The following VPS13A variants were observed in gnomAD, a reference collection of about 807,000 sequenced individuals.
VPS13A encodes intermembrane lipid transfer protein VPS13A.
In VPS13A, 264 loss-of-function variants were observed where a neutral mutation model predicts 390.9. That is an observed-to-expected ratio of 0.68 (90% CI 0.61 to 0.75). The LOEUF is 0.75. Among genes scored for constraint, VPS13A ranks in the 30% least tolerant of loss-of-function variants. The pLI is 0.00. For synonymous variants in VPS13A, 1,231 were observed against 1,227.1 expected (o/e 1.00, Z -0.07); for missense variants, 3,409 against 3,733.9 (o/e 0.91, Z 2.27).
In VPS13A at chr9:77,383,082, A is replaced by G. The variant is rs1001579922; in HGVS notation, c.9189+995A>G. 7 of 941,976 alleles carry G rather than the reference A, an allele frequency of 7.4e-6. No homozygotes were observed. In the South Asian group the frequency reaches 1.5e-4, roughly 20 times the overall value. 58.4% of individuals were successfully genotyped at this position (941,976 alleles called of 1,614,324 possible). On this transcript the variant is annotated intron_variant, in intron 68 of 71. Transcript: ENST00000360280. ...ACTGTTGGAATATGAAGCTTCCTTT[A>G]TGGCTTTAATATTTTAAATATTGTG...
At chr9:77,409,596 G>A (rs1472150999) in intron 71 of VPS13A, among the ~76,000 whole-genome samples, 1 of 151,966 alleles carries the variant, frequency 6.6e-6, no homozygotes, top group Non-Finnish European at 1.5e-5. Flanking sequence ...ATGCAGAGAA[G>A]TCCTTAAAGG....
rs149570408 is a variant in VPS13A at position 77,260,198 on chromosome 9, G to A, written c.2401G>A (p.Val801Ile). ...TCCAAAACCTGAACCAGTAACTGAA[G>A]TATCTGCCCCTGTCAAATCATTCCA... The part of the protein sequence containing the change: ...SIPKPEPVTE[V>I]SAPVKSFQIQ... Residue 801 changes from valine (V) to isoleucine (I), a missense_variant, in exon 23 of 72, where the codon GTA becomes ATA. Val to Ile is a conservative substitution (Grantham distance 29). Transcript: ENST00000360280. 2 of 1,613,420 alleles carry A rather than the reference G, an allele frequency of 1.2e-6. No individual in the cohort carries two copies. Among genetic ancestry groups the A allele is most frequent in the Non-Finnish European group, 1.7e-6 (2 of 1,179,686 alleles).
intron 58 of VPS13A, 99 bp from the exon 59 acceptor site, chr9:77,360,437 A>C (rs149906560): frequency 2.2e-6 from 2 of 894,558 alleles, no homozygotes; most frequent in Admixed American, 1.9e-5. Context: ...CTAAGTTTCA[A>C]AGTTCTAATA....
Position 77,318,598 on chromosome 9 carries a change from A to G in VPS13A, c.5313+7A>G, listed in dbSNP as rs751128331. On this transcript the variant is annotated splice_region_variant and intron_variant, in intron 41 of 71. Transcript: ENST00000360280. ...CTGTCAGCTTGAGCTAGAAGTAAGC[A>G]TATTTTTCCAGTTTTATAACAGATA... 98 of 1,600,912 alleles carry G rather than the reference A, an allele frequency of 6.1e-5. No individual in the cohort carries two copies. In the South Asian group the frequency reaches 8.2e-4, roughly 13 times the overall value.
chr9:77,200,896 G>C (rs1825294246), intron 2 of VPS13A, among the ~76,000 whole-genome samples: 1 of 152,126 alleles, frequency 6.6e-6, no homozygotes, highest in South Asian at 2.1e-4. Context: ...TAAGGGTTCA[G>C]TTTCATGTTT....
At chr9:77,370,753 A>G in intron 65 of VPS13A, 137 bp from the exon 66 acceptor site, 2 of 1,399,940 alleles carry the variant, frequency 1.4e-6, no homozygotes, top group Non-Finnish European at 2.0e-6. Flanking sequence ...ATTCTGTTTA[A>G]ATAAAATACT....
Position 77,307,992 on chromosome 9 carries a change from T to C in VPS13A, c.4008T>C (p.His1336=), listed in dbSNP as rs1355938642. The stretch of plus-strand genomic sequence containing the variant: ...TAACAACTATTTTTAAAACATTGCA[T>C]GGCAATATATGGTATGAAAAAGATG... ...EDITTIFKTL[H]GNIWYEKDGS... The change falls in exon 35 of 72, where the codon CAT becomes CAC. Residue 1336 remains histidine (H), a synonymous_variant. Coordinates refer to ENST00000360280, the MANE Select transcript of VPS13A (RefSeq NM_033305.3). The C allele has an allele frequency of 1.9e-6, 3 of 1,603,254 alleles. No homozygotes were observed. The highest frequency in any genetic ancestry group is 4.5e-5 in the East Asian group (2 of 44,740).
chr9:77,205,146 A>C (rs997971780), intron 3 of VPS13A, among the ~76,000 whole-genome samples, 167 bp from the exon 4 acceptor site: 12 of 152,210 alleles, frequency 7.9e-5, no homozygotes, highest in Non-Finnish European at 1.5e-4. Flanking sequence ...TACAACAAAC[A>C]CTTGTTGTTT....
intron 68 of VPS13A, among the ~76,000 whole-genome samples, chr9:77,393,589 G>A (rs991403705): frequency 2.0e-5 from 3 of 152,202 alleles, no homozygotes; most frequent in African/African-American, 7.2e-5. Flanking sequence ...GCTGTAGAAT[G>A]GATGGTTGTG....
At chr9:77,190,393 A>G (rs932332793) in intron 1 of VPS13A, among the ~76,000 whole-genome samples, 1 of 152,204 alleles carries the variant, frequency 6.6e-6, no homozygotes, top group African/African-American at 2.4e-5. Context: ...AATCACACTT[A>G]TTGATTTGTG....
chr9:77,280,139 T>G lies in VPS13A; in HGVS notation c.2825-20T>G, dbSNP rs747035319. ...GTTACCTTTCCGATGAAAAGATAAT[T>G]TTTAAAAAATTATTTTTAGATGAAA... On this transcript the variant is annotated intron_variant, in intron 26 of 71. Transcript: ENST00000360280. The G allele has an allele frequency of 6.4e-7, 1 of 1,564,772 alleles. No homozygotes were observed. Among genetic ancestry groups the G allele is most frequent in the Non-Finnish European group, 8.8e-7 (1 of 1,141,994 alleles).
intron 67 of VPS13A, among the ~76,000 whole-genome samples, chr9:77,373,117 C>A (rs1475167095): frequency 6.6e-6 from 1 of 151,988 alleles, no homozygotes; most frequent in East Asian, 1.9e-4. Context: ...ACTTTCTTCA[C>A]AGAATTGGAA....
At position 77,252,229 on chromosome 9, in the gene VPS13A, A is replaced by T. The variant is rs185390174; in HGVS notation, c.2171-6A>T. On this transcript the variant is annotated splice_region_variant and splice_polypyrimidine_tract_variant and intron_variant, in intron 21 of 71. Coordinates refer to ENST00000360280, the MANE Select transcript of VPS13A (RefSeq NM_033305.3). ...ACGTTAAATATGAACTATTTTCTGT[A>T]CTTAGGTGATAATTGGAGAGAAGCA... 1 of 1,595,926 alleles carries T rather than the reference A, an allele frequency of 6.3e-7. No individual in the cohort carries two copies. Among genetic ancestry groups the T allele is most frequent in the South Asian group, 1.1e-5 (1 of 90,706 alleles).
chr9:77,332,058 T>G lies in VPS13A; in HGVS notation c.6040T>G (p.Leu2014Val), dbSNP rs749897526. The G allele has an allele frequency of 1.9e-6, 3 of 1,612,452 alleles. No individual in the cohort carries two copies. In the South Asian group the frequency reaches 3.3e-5, roughly 18 times the overall value. The change falls in exon 46 of 72, where the codon TTA becomes GTA. Residue 2014 changes from leucine to valine, a missense_variant. Coordinates refer to ENST00000360280, the MANE Select transcript of VPS13A (RefSeq NM_033305.3). Reference protein sequence around the residue: ...VPLSVYEGDTLLGTASPENEF... With the variant: ...VPLSVYEGDTVLGTASPENEF... ...ACTGTCTGTTTACGAAGGGGATACC[T>G]TATTGGGAACTGCCTCACCTGAAAA...
chr9:77,315,582 T>G, intron 38 of VPS13A, 112 bp downstream of exon 38: 1 of 1,124,564 alleles, frequency 8.9e-7, no homozygotes, highest in South Asian at 1.4e-5. Flanking sequence ...AAATTAAAAT[T>G]TTATTTTTCA....
intron 68 of VPS13A, among the ~76,000 whole-genome samples, chr9:77,387,392 G>C (rs1231231623): frequency 1.3e-5 from 2 of 152,160 alleles, no homozygotes; most frequent in East Asian, 3.9e-4. Flanking sequence ...CTTTCCATAT[G>C]CTTTAACTTC....
chr9:77,397,086 T>A (rs1294767824), intron 68 of VPS13A, among the ~76,000 whole-genome samples: 2 of 152,180 alleles, frequency 1.3e-5, no homozygotes, highest in Non-Finnish European at 2.9e-5. Flanking sequence ...CCTCCTAGGT[T>A]CAAGTGATTC....
intron 41 of VPS13A, 77 bp downstream of exon 41, chr9:77,318,668 T>C: frequency 7.9e-7 from 1 of 1,268,474 alleles, no homozygotes; most frequent in Middle Eastern, 2.1e-4. Flanking sequence ...ACATATGGAA[T>C]ATTATGGAAT....
At position 77,318,364 on chromosome 9, in the gene VPS13A, A is replaced by G. The variant is rs140953446; in HGVS notation, c.5086A>G (p.Lys1696Glu). The change falls in exon 41 of 72, where the codon AAA becomes GAA. Residue 1696 changes from lysine (K) to glutamate (E), a missense_variant. Transcript: ENST00000360280. ...LWEKKDTKTL[K>E]MWFLEESNET... ...GGAAAAGAAGGATACAAAGACTTTAAAAATGTGGTTTCTTGAAGAATCAAA... is the reference window on the plus strand; with the variant it reads ...GGAAAAGAAGGATACAAAGACTTTAGAAATGTGGTTTCTTGAAGAATCAAA... The G allele has an allele frequency of 8.7e-6, 14 of 1,613,926 alleles. No individual in the cohort carries two copies. The highest frequency in any genetic ancestry group is 1.2e-5 in the Non-Finnish European group (14 of 1,179,918).
Sources: allele counts gnomAD v4.1 joint callset (sites outside exome capture counted in the v4.1 genomes callset), GRCh38; gene constraint gnomAD v4.1.1; transcripts MANE v1.5; gene names NCBI Gene and HGNC (gene_info 2026-07-23, HGNC 2026-07-21).